The following ADCY2 variants were observed in gnomAD, a reference collection of about 807,000 sequenced individuals.
ADCY2 encodes the protein adenylate cyclase type 2.
ADCY2 carries 31 observed loss-of-function variants against 125.2 expected under a neutral mutation model. The observed-to-expected ratio is 0.25, with a 90% CI of 0.19 to 0.33. The LOEUF is 0.33. Among genes scored for constraint, ADCY2 ranks in the 10% least tolerant of loss-of-function variants. ADCY2 has a pLI of 1.00. For synonymous variants in ADCY2, 512 were observed against 548.4 expected (o/e 0.93, Z 0.93); for missense variants, 904 against 1,418.2 (o/e 0.64, Z 5.82).
rs537838523 is a variant in ADCY2 at position 7,727,375 on chromosome 5, T to C, written c.1871+114T>C. 2.5e-5 allele frequency: 21 copies of C among 849,038 alleles called. No individual in the cohort carries two copies. The East Asian group carries it at 4.7e-4, about 19-fold the overall frequency. The allele number at this position is 849,038 out of a possible 1,614,324, so 52.6% of individuals were successfully genotyped here. A position where few individuals can be genotyped will look rare whatever the true frequency, so the allele number is the denominator to read the frequency against. On this transcript the variant is annotated intron_variant, in intron 14 of 24. Coordinates refer to ENST00000338316, the MANE Select transcript of ADCY2 (RefSeq NM_020546.3). Reference sequence around the variant, plus strand: ...ATGTTTAGACAGAGGGGTGATTTAATGTCATGGTAAAGGGAGAGTAACCCA... The same window carrying C: ...ATGTTTAGACAGAGGGGTGATTTAACGTCATGGTAAAGGGAGAGTAACCCA...
At chr5:7,406,200 C>T (rs1319843749) in intron 1 of ADCY2, among the ~76,000 whole-genome samples, 4 of 152,128 alleles carry the variant, frequency 2.6e-5, no homozygotes, top group Non-Finnish European at 5.9e-5. Context: ...ACTCCCTTTT[C>T]AGGAGAGATG....
At chr5:7,480,425 A>C (rs1277294641) in intron 2 of ADCY2, among the ~76,000 whole-genome samples, 1 of 152,206 alleles carries the variant, frequency 6.6e-6, no homozygotes, top group Non-Finnish European at 1.5e-5. Flanking sequence ...GTAGCAATAA[A>C]AAAGAATGAG....
At position 7,396,522 on chromosome 5, in the gene ADCY2, G is replaced by C. The variant is rs1292727088; in HGVS notation, c.210+16G>C. The C allele has an allele frequency of 2.6e-6, 4 of 1,550,874 alleles. No individual in the cohort carries two copies. The East Asian group carries it at 7.9e-5, about 31-fold the overall frequency. ...GCTCGGGCTGGTGAGTGGCCTCCCC[G>C]CGGGTCCAGCGCCGCGCCTTCCCCG... is the stretch of plus-strand genomic sequence containing the variant. On this transcript the variant is annotated intron_variant, in intron 1 of 24. Coordinates refer to ENST00000338316, the MANE Select transcript of ADCY2 (RefSeq NM_020546.3). The surrounding 1 kb of genome is among the most constrained non-coding windows in gnomAD (Gnocchi z 5.7).
Position 7,405,325 on chromosome 5 carries a change from C to T in ADCY2, c.210+8819C>T, listed in dbSNP as rs144195079. On this transcript the variant is annotated intron_variant, in intron 1 of 24. Coordinates refer to ENST00000338316, the MANE Select transcript of ADCY2 (RefSeq NM_020546.3). ...ACTCTTTTTTTTTTTTTTTTTAGCT[C>T]ATAATTATGTGGGTCAGGTCTTGGT... Among the ~76,000 whole-genome samples the T allele has an allele frequency of 4.8e-4, 69 of 145,188 alleles. No homozygotes were observed. In the East Asian group the frequency reaches 0.012, roughly 26 times the overall value.
At chr5:7,655,681 G>C (rs1225422454) in intron 4 of ADCY2, among the ~76,000 whole-genome samples, 1 of 152,182 alleles carries the variant, frequency 6.6e-6, no homozygotes, top group Non-Finnish European at 1.5e-5. Context: ...AGAAATCATG[G>C]CTCATCTGGG....
intron 3 of ADCY2, among the ~76,000 whole-genome samples, chr5:7,591,588 A>G (rs191388191): frequency 6.6e-6 from 1 of 152,288 alleles, no homozygotes; most frequent in East Asian, 1.9e-4. Flanking sequence ...CGATGGTTAT[A>G]CAGCAACTGT....
rs1745580365 is a variant in ADCY2 at position 7,829,503 on chromosome 5, CTG to C, written c.*2633_*2634del. On this transcript the variant is annotated 3_prime_UTR_variant, in exon 25 of 25. Coordinates refer to ENST00000338316, the MANE Select transcript of ADCY2 (RefSeq NM_020546.3). ...GTGAGCAAAAATGCCAGGCAGAAAA[CTG>C]GCAGTGCACCTCTCATCAGCCCAGG... 1 of 152,580 alleles carries C rather than the reference CTG, an allele frequency of 6.6e-6. No individual in the cohort carries two copies. Among genetic ancestry groups the C allele is most frequent in the Non-Finnish European group, 1.5e-5 (1 of 68,022 alleles). The allele number at this position is 152,580 out of a possible 1,614,324, so 9.5% of individuals were successfully genotyped here. A position where few individuals can be genotyped will look rare whatever the true frequency, so the allele number is the denominator to read the frequency against.
At chr5:7,524,765 G>A (rs1363790102) in intron 3 of ADCY2, among the ~76,000 whole-genome samples, 1 of 152,150 alleles carries the variant, frequency 6.6e-6, no homozygotes, top group African/African-American at 2.4e-5. Context: ...GGGCTGTGTT[G>A]CTTCTCTTTG....
At chr5:7,753,407 T>C (rs1170687206) in intron 15 of ADCY2, among the ~76,000 whole-genome samples, 1 of 151,994 alleles carries the variant, frequency 6.6e-6, no homozygotes, top group Non-Finnish European at 1.5e-5. Context: ...ATGCCAGGAG[T>C]TAAACCAAAG....
intron 1 of ADCY2, among the ~76,000 whole-genome samples, chr5:7,399,963 T>C (rs550212908): frequency 1.3e-4 from 20 of 152,324 alleles, no homozygotes; most frequent in Middle Eastern, 3.4e-3. Context: ...CTCTTTCTAC[T>C]TTGTTTTTTG....
At chr5:7,480,012 A>T (rs1742669375) in intron 2 of ADCY2, among the ~76,000 whole-genome samples, 1 of 152,226 alleles carries the variant, frequency 6.6e-6, no homozygotes, top group Non-Finnish European at 1.5e-5. Flanking sequence ...ATATGAAAAA[A>T]AGCTCAACAT....
At chr5:7,656,651 T>A (rs980605179) in intron 4 of ADCY2, among the ~76,000 whole-genome samples, 1 of 152,096 alleles carries the variant, frequency 6.6e-6, no homozygotes, top group Non-Finnish European at 1.5e-5. Context: ...CGAACCAGAG[T>A]ACAGAATTCT....
chr5:7,619,226 G>A (rs1737870883), intron 3 of ADCY2, among the ~76,000 whole-genome samples: 3 of 152,180 alleles, frequency 2.0e-5, no homozygotes, highest in African/African-American at 4.8e-5. Flanking sequence ...ACTGGGTCAC[G>A]AGACAGTGTT....
intron 16 of ADCY2, among the ~76,000 whole-genome samples, chr5:7,759,225 C>T (rs1245056730): frequency 6.6e-6 from 1 of 152,172 alleles, no homozygotes; most frequent in Non-Finnish European, 1.5e-5. Context: ...AGCCCTACCT[C>T]ACCTGCCTGT....
chr5:7,417,384 C>G (rs1739995601), intron 2 of ADCY2, among the ~76,000 whole-genome samples: 1 of 152,124 alleles, frequency 6.6e-6, no homozygotes. Context: ...ATCTGAGACT[C>G]TCAATTTATT....
At chr5:7,639,440 A>G (rs907793466) in intron 4 of ADCY2, among the ~76,000 whole-genome samples, 2 of 152,144 alleles carry the variant, frequency 1.3e-5, no homozygotes, top group Non-Finnish European at 2.9e-5. Context: ...ACCCAAGGAG[A>G]TGGCTGGAGC....
chr5:7,435,609 T>A (rs985305816), intron 2 of ADCY2, among the ~76,000 whole-genome samples: 1 of 152,222 alleles, frequency 6.6e-6, no homozygotes, highest in African/African-American at 2.4e-5. Flanking sequence ...ATAGTTCCAA[T>A]TGGAAAATCA....
chr5:7,666,125 A>C (rs574465758), intron 4 of ADCY2, among the ~76,000 whole-genome samples: 66 of 151,842 alleles, frequency 4.3e-4, no homozygotes, highest in African/African-American at 1.5e-3. Flanking sequence ...GGCGTGAGCC[A>C]CTGCGCCCAG....
At chr5:7,491,017 A>C (rs926292822) in intron 2 of ADCY2, among the ~76,000 whole-genome samples, 3 of 152,214 alleles carry the variant, frequency 2.0e-5, no homozygotes, top group African/African-American at 4.8e-5. Context: ...TACAATTAAA[A>C]TACTAGTAAG....
Sources: allele counts gnomAD v4.1 joint callset (sites outside exome capture counted in the v4.1 genomes callset), GRCh38; gene constraint gnomAD v4.1.1; non-coding constraint Gnocchi (gnomAD v3.1); transcripts MANE v1.5; gene names NCBI Gene and HGNC (gene_info 2026-07-23, HGNC 2026-07-21).